The following APPL1 variants were observed in gnomAD, a reference collection of about 807,000 sequenced individuals.
The protein encoded by APPL1 is DCC-interacting protein 13-alpha.
In APPL1, 42 loss-of-function variants were observed where a neutral mutation model predicts 106.8. That is an observed-to-expected ratio of 0.39 (90% CI 0.31 to 0.51). The LOEUF is 0.51. APPL1 is among the 20% of genes least tolerant of loss of function. The pLI is 0.75. For synonymous variants in APPL1, 263 were observed against 281.8 expected, an observed-to-expected ratio of 0.93 and a Z score of 0.67; for missense variants, 769 against 858.2, an observed-to-expected ratio of 0.90 and a Z score of 1.30.
At chr3:57,234,657 AT>A (rs1237432831) in intron 1 of APPL1, among the ~76,000 whole-genome samples, 2 of 149,472 alleles carry the variant, frequency 1.3e-5, no homozygotes, top group East Asian at 4.1e-4. Context: ...ATTTAAAAAA[AT>A]TTTTTTATTT....
chr3:57,242,822 TG>T, intron 6 of APPL1, 33 bp from the exon 7 acceptor site: 1 of 1,505,710 alleles, frequency 6.6e-7, no homozygotes, highest in Admixed American at 1.7e-5. Flanking sequence ...TGAAAAGTAC[TG>T]TTGTATTGTT....
In APPL1 at chr3:57,256,834, T is replaced by TAA. The variant is rs1479723679; in HGVS notation, c.1153-123_1153-122insAA. On this transcript the variant is annotated intron_variant, in intron 13 of 21. Coordinates refer to ENST00000288266, the MANE Select transcript of APPL1 (RefSeq NM_012096.3). ...TAAGACGAGGGAATATAGTACTACT[T>TAA]TAGTAGCTCTAATTTATATTTTAAG... The TAA allele has an allele frequency of 2.3e-5, 17 of 729,328 alleles. No individual in the cohort carries two copies. The East Asian group carries it at 4.2e-4, about 18-fold the overall frequency. The allele number at this position is 729,328 out of a possible 1,614,324, so 45.2% of individuals were successfully genotyped here. A position where few individuals can be genotyped will look rare whatever the true frequency, so the allele number is the denominator to read the frequency against.
intron 6 of APPL1, 52 bp downstream of exon 6, chr3:57,242,194 C>T (rs770120621): frequency 7.4e-7 from 1 of 1,349,066 alleles, no homozygotes; most frequent in Non-Finnish European, 1.0e-6. Flanking sequence ...ATTTGTTTAT[C>T]AGTGCATATC....
chr3:57,256,124 G>C (rs1030591085), intron 13 of APPL1, among the ~76,000 whole-genome samples: 4 of 152,150 alleles, frequency 2.6e-5, no homozygotes, highest in African/African-American at 9.7e-5. Context: ...GGGGAGGATT[G>C]TTTGAGCCTA....
At chr3:57,237,449 C>G in intron 2 of APPL1, 43 bp from the exon 3 acceptor site, 1 of 1,454,588 alleles carries the variant, frequency 6.9e-7, no homozygotes. Flanking sequence ...AAAACTAAAA[C>G]TTTTTTCCCA....
chr3:57,246,070 TC>T lies in APPL1; in HGVS notation c.475-5del, dbSNP rs1392459489. 2 of 1,557,582 alleles carry T rather than the reference TC, an allele frequency of 1.3e-6. No homozygotes were observed. Among genetic ancestry groups the T allele is most frequent in the Admixed American group, 2.1e-5 (1 of 47,752 alleles). ...TACTTAATTATTTAAATCTTTTCAT[TC>T]AAAGGTGAAGTATGAAGTAACAGAA... is the stretch of plus-strand genomic sequence containing the variant. On this transcript the variant is annotated splice_region_variant and splice_polypyrimidine_tract_variant and intron_variant, in intron 7 of 21. Coordinates refer to ENST00000288266, the MANE Select transcript of APPL1 (RefSeq NM_012096.3).
At chr3:57,256,856 T>C in intron 13 of APPL1, 101 bp from the exon 14 acceptor site, 1 of 876,838 alleles carries the variant, frequency 1.1e-6, no homozygotes, top group Non-Finnish European at 1.9e-6. Flanking sequence ...ATTTATATTT[T>C]AAGTGTAACT....
chr3:57,231,333 C>T (rs1174415789), intron 1 of APPL1, among the ~76,000 whole-genome samples: 8 of 108,516 alleles, frequency 7.4e-5, no homozygotes, highest in Non-Finnish European at 1.1e-4. Context: ...TGCGAGACTC[C>T]GTCTCAAAAA....
chr3:57,240,370 T>A (rs1409580370), intron 4 of APPL1, 95 bp from the exon 5 acceptor site: 3 of 937,580 alleles, frequency 3.2e-6, no homozygotes, highest in Non-Finnish European at 5.0e-6. Flanking sequence ...ATAAAATATA[T>A]CAGAACCATT....
chr3:57,262,198 C>T (rs969868163), intron 19 of APPL1, among the ~76,000 whole-genome samples: 4 of 151,996 alleles, frequency 2.6e-5, no homozygotes, highest in South Asian at 2.1e-4. Context: ...TTCTCCCATT[C>T]AACAGGTTGT....
At position 57,252,305 on chromosome 3, in the gene APPL1, T is replaced by C. The variant is rs34321969; in HGVS notation, c.1089T>C (p.His363=). 2.4e-4 allele frequency: 392 copies of C among 1,605,442 alleles called. No homozygotes were observed. Among genetic ancestry groups the C allele is most frequent in the Non-Finnish European group, 2.4e-4 (283 of 1,175,484 alleles). Residue 363 remains histidine (H), a synonymous_variant, in exon 12 of 22, where the codon CAT becomes CAC. Coordinates refer to ENST00000288266, the MANE Select transcript of APPL1 (RefSeq NM_012096.3). ...SILQAESKKD[H]EEWICTINNI... ...TGCAAGCAGAGAGTAAAAAAGATCA[T>C]GAAGAGGTAAGATTTTACCTAGTTC... is the stretch of plus-strand genomic sequence containing the variant.
chr3:57,246,180 A>G lies in APPL1; in HGVS notation c.579A>G (p.Lys193=). The G allele has an allele frequency of 6.2e-7, 1 of 1,610,868 alleles. No individual in the cohort carries two copies. Among genetic ancestry groups the G allele is most frequent in the Non-Finnish European group, 8.5e-7 (1 of 1,178,880 alleles). Residue 193 remains lysine, a synonymous_variant, in exon 8 of 22, where the codon AAA becomes AAG. Coordinates refer to ENST00000288266, the MANE Select transcript of APPL1 (RefSeq NM_012096.3). ...TAAATACTCTTCAGTACAAGAAGAA[A>G]ATAGCATTGTTAGAACCTCTACTTG... ...CALNTLQYKK[K]IALLEPLLGY... is the part of the protein sequence containing the mutation.
rs527341470 is a variant in APPL1 at position 57,241,930 on chromosome 3, T to A, written c.374-171T>A. 6.3e-4 allele frequency among the ~76,000 whole-genome samples: 96 copies of A among 152,334 alleles called. No individual in the cohort carries two copies. The Middle Eastern group carries it at 0.027, about 43-fold the overall frequency. ...CTGGTGGTGTAACTGTTGCTAATGATAGTAAATGTTTCATAGACTAGCTGA... is the reference window on the plus strand; with the variant it reads ...CTGGTGGTGTAACTGTTGCTAATGAAAGTAAATGTTTCATAGACTAGCTGA... On this transcript the variant is annotated intron_variant, in intron 5 of 21. Transcript: ENST00000288266.
rs540181718 is a variant in APPL1 at position 57,265,042 on chromosome 3, A to G, written c.1843-2700A>G. Reference sequence around the variant, plus strand: ...GAATCTATAGATTGCTTTGGGTAGTATGGACATTTTAACAATATTGATTCT... The same window carrying G: ...GAATCTATAGATTGCTTTGGGTAGTGTGGACATTTTAACAATATTGATTCT... On this transcript the variant is annotated intron_variant, in intron 19 of 21. Coordinates refer to ENST00000288266, the MANE Select transcript of APPL1 (RefSeq NM_012096.3). Among the ~76,000 whole-genome samples the G allele has an allele frequency of 2.9e-4, 44 of 152,176 alleles. No homozygotes were observed. In the Middle Eastern group the frequency reaches 0.01, roughly 35 times the overall value.
intron 7 of APPL1, among the ~76,000 whole-genome samples, chr3:57,243,643 C>T (rs932762025): frequency 1.3e-5 from 2 of 152,194 alleles, no homozygotes; most frequent in African/African-American, 4.8e-5. Flanking sequence ...AAATGTTTCT[C>T]ACACAAAGTT....
In APPL1 at chr3:57,243,133, T is replaced by C. The variant is rs549269670; in HGVS notation, c.474+219T>C. Among the ~76,000 whole-genome samples the C allele has an allele frequency of 3.9e-5, 6 of 152,326 alleles. No individual in the cohort carries two copies. The South Asian group carries it at 8.3e-4, about 21-fold the overall frequency. On this transcript the variant is annotated intron_variant, in intron 7 of 21. Transcript: ENST00000288266. ...CAAAATTTGATGTTATAAGTAAATATAACTATTCTGGAAATTTAACTGATG... is the reference window on the plus strand; with the variant it reads ...CAAAATTTGATGTTATAAGTAAATACAACTATTCTGGAAATTTAACTGATG...
chr3:57,271,670 G>A lies in APPL1; in HGVS notation c.*1983G>A, dbSNP rs921220262. ...AAGCTGGTGCTTTGCATGGTAGCAAGTGCTGCCCTTTATCAGCACCCTGGG... is the reference window on the plus strand; with the variant it reads ...AAGCTGGTGCTTTGCATGGTAGCAAATGCTGCCCTTTATCAGCACCCTGGG... On this transcript the variant is annotated 3_prime_UTR_variant, in exon 22 of 22. Transcript: ENST00000288266. The A allele has an allele frequency of 1.3e-5, 2 of 152,242 alleles. No individual in the cohort carries two copies. Among genetic ancestry groups the A allele is most frequent in the African/African-American group, 4.8e-5 (2 of 41,452 alleles). 9.4% of individuals were successfully genotyped at this position (152,242 alleles called of 1,614,324 possible).
At chr3:57,250,804 C>CTTTTTTTTTTTTTTTTTT (rs71088045) in intron 11 of APPL1, among the ~76,000 whole-genome samples, 1 of 110,286 alleles carries the variant, frequency 9.1e-6, no homozygotes, top group Non-Finnish European at 1.8e-5. Context: ...AACTTTCTTT[C>CTTTTTTTTTTTTTTTTTT]TTTTTTTTTT....
At position 57,246,819 on chromosome 3, in the gene APPL1, G is replaced by A. The variant is rs183199916; in HGVS notation, c.622-576G>A. Among the ~76,000 whole-genome samples, 760 of 151,966 alleles carry A rather than the reference G, an allele frequency of 5.0e-3. 6 individuals carry two copies. Among genetic ancestry groups the A allele is most frequent in the Admixed American group, 9.3e-3 (142 of 15,236 alleles). On this transcript the variant is annotated intron_variant, in intron 8 of 21. Coordinates refer to ENST00000288266, the MANE Select transcript of APPL1 (RefSeq NM_012096.3). ...GGAGTTTGAGACTAGCCTCAGCAACGTAGGGAGACCCCATCTCTACAAAAA... is the reference window on the plus strand; with the variant it reads ...GGAGTTTGAGACTAGCCTCAGCAACATAGGGAGACCCCATCTCTACAAAAA...
Sources: allele counts gnomAD v4.1 joint callset (sites outside exome capture counted in the v4.1 genomes callset), GRCh38; gene constraint gnomAD v4.1.1; transcripts MANE v1.5; gene names NCBI Gene and HGNC (gene_info 2026-07-23, HGNC 2026-07-21).